PTPRT: variants seen among roughly 807,000 people sequenced by gnomAD.
The protein encoded by PTPRT is receptor-type tyrosine-protein phosphatase T.
Under a neutral mutation model 176.8 loss-of-function variants are expected in PTPRT, and 56 were observed. That is an observed-to-expected ratio of 0.32 (90% CI 0.26 to 0.40). The LOEUF is 0.40. Ranked by LOEUF, PTPRT falls within the 10% of genes least tolerant of loss-of-function variation. The pLI is 1.00. For synonymous variants in PTPRT, 783 were observed against 739.0 expected, an observed-to-expected ratio of 1.06 and a Z score of -0.96; for missense variants, 1,540 against 1,908.2, an observed-to-expected ratio of 0.81 and a Z score of 3.60.
rs185449505 is a variant in PTPRT at position 42,228,122 on chromosome 20, T to C, written c.2342+8107A>G. On this transcript the variant is annotated intron_variant, in intron 15 of 30. Transcript: ENST00000373187. ...TAAGCCTCAAGACATCACTAATACC[T>C]GGTTGGTATTATTAGGTTGGTTTAA... Among the ~76,000 whole-genome samples the C allele has an allele frequency of 2.1e-3, 322 of 152,372 alleles. 1 individual carries two copies. Among genetic ancestry groups the C allele is most frequent in the African/African-American group, 7.3e-3 (305 of 41,590 alleles).
chr20:42,984,390 G>A (rs968902076), intron 1 of PTPRT, among the ~76,000 whole-genome samples: 1 of 152,238 alleles, frequency 6.6e-6, no homozygotes, highest in Non-Finnish European at 1.5e-5. Context: ...ACAGAAGCTT[G>A]TAAAAAGACC....
At chr20:42,350,467 T>C (rs538563771) in intron 11 of PTPRT, among the ~76,000 whole-genome samples, 161 bp downstream of exon 11, 1 of 152,150 alleles carries the variant, frequency 6.6e-6, no homozygotes, top group African/African-American at 2.4e-5. Flanking sequence ...ACTCAGGGGC[T>C]CCCTTTGAAC....
intron 13 of PTPRT, among the ~76,000 whole-genome samples, chr20:42,264,807 G>A (rs1488891718): frequency 6.6e-6 from 1 of 152,224 alleles, no homozygotes; most frequent in Non-Finnish European, 1.5e-5. Flanking sequence ...CCTGATTCAT[G>A]ACTTCTATTT....
intron 2 of PTPRT, among the ~76,000 whole-genome samples, chr20:42,880,694 G>A (rs2079000185): frequency 6.6e-6 from 1 of 152,206 alleles, no homozygotes; most frequent in Non-Finnish European, 1.5e-5. Flanking sequence ...AGGATAGACA[G>A]CTAGAGAGAG....
intron 6 of PTPRT, among the ~76,000 whole-genome samples, chr20:42,739,693 C>G (rs188218391): frequency 3.2e-3 from 493 of 152,288 alleles, no homozygotes; most frequent in African/African-American, 0.011. Context: ...GGGTTTCCAT[C>G]AGTGTGAAAT....
chr20:43,035,514 G>A (rs987502879), intron 1 of PTPRT, among the ~76,000 whole-genome samples: 3 of 152,276 alleles, frequency 2.0e-5, no homozygotes, highest in South Asian at 2.1e-4. Context: ...TCCCTGCCAC[G>A]CTGTCATTTT....
intron 11 of PTPRT, among the ~76,000 whole-genome samples, chr20:42,339,752 A>G (rs930777221): frequency 2.0e-5 from 3 of 152,210 alleles, no homozygotes; most frequent in African/African-American, 7.2e-5. Flanking sequence ...GATGTTCATT[A>G]AAGTTTGGAA....
intron 5 of PTPRT, among the ~76,000 whole-genome samples, chr20:42,757,076 A>G (rs997689728): frequency 1.5e-4 from 22 of 144,454 alleles, no homozygotes; most frequent in Admixed American, 2.7e-4. Context: ...AAAAAAAAAA[A>G]GGGCAGGAGT....
intron 1 of PTPRT, among the ~76,000 whole-genome samples, chr20:42,892,181 A>T (rs927917813): frequency 6.6e-6 from 1 of 152,248 alleles, no homozygotes; most frequent in Non-Finnish European, 1.5e-5. Flanking sequence ...GTACAGCAGT[A>T]CTAATAGCAA....
chr20:42,165,572 T>C (rs1254443716), intron 16 of PTPRT, among the ~76,000 whole-genome samples: 2 of 152,362 alleles, frequency 1.3e-5, no homozygotes, highest in East Asian at 3.9e-4. Context: ...AGCTGTCCAA[T>C]AGAACTTTCC....
chr20:42,552,337 A>G (rs2072784407), intron 7 of PTPRT, among the ~76,000 whole-genome samples: 1 of 152,176 alleles, frequency 6.6e-6, no homozygotes, highest in South Asian at 2.1e-4. Context: ...AGAAGCAAAC[A>G]CAAACATAAA....
At position 42,243,310 on chromosome 20, in the gene PTPRT, T is replaced by G. The variant is rs143632232; in HGVS notation, c.2312+5377A>C. 2.0e-3 allele frequency among the ~76,000 whole-genome samples: 298 copies of G among 152,230 alleles called. 2 individuals are homozygous for G. The Middle Eastern group carries it at 0.048, about 24-fold the overall frequency. On this transcript the variant is annotated intron_variant, in intron 14 of 30. Transcript: ENST00000373187. ...GTCCAGGGGCAGATGATATGGATAA[T>G]GGAGCTCTAACAAGAGAAGACTGAT...
intron 9 of PTPRT, among the ~76,000 whole-genome samples, chr20:42,373,488 T>C (rs1366837188): frequency 6.6e-6 from 1 of 152,204 alleles, no homozygotes; most frequent in African/African-American, 2.4e-5. Context: ...TCCTTTTTGA[T>C]TGTCACATCC....
chr20:42,777,076 C>T (rs1005356559), intron 4 of PTPRT, among the ~76,000 whole-genome samples: 1 of 152,052 alleles, frequency 6.6e-6, no homozygotes, highest in Non-Finnish European at 1.5e-5. Context: ...TGCGGGCCAC[C>T]ACCACCTCTT....
At chr20:42,138,143 C>T (rs528711267) in intron 18 of PTPRT, among the ~76,000 whole-genome samples, 2 of 152,344 alleles carry the variant, frequency 1.3e-5, no homozygotes, top group African/African-American at 2.4e-5. Context: ...AGAATTAGCA[C>T]CTCTAATGAG....
At chr20:43,008,998 C>T (rs115521631) in intron 1 of PTPRT, among the ~76,000 whole-genome samples, 3,990 of 152,210 alleles carry the variant, frequency 0.026, 175 homozygotes, top group African/African-American at 0.091. Flanking sequence ...TGGAAACATT[C>T]GGAAGGCTTC....
At chr20:43,047,401 A>T (rs576710046) in intron 1 of PTPRT, among the ~76,000 whole-genome samples, 1 of 152,280 alleles carries the variant, frequency 6.6e-6, no homozygotes, top group South Asian at 2.1e-4. Context: ...TTCAGCTATT[A>T]GCTTATTGGG....
chr20:42,316,995 T>C (rs898599220), intron 11 of PTPRT, among the ~76,000 whole-genome samples: 2 of 152,204 alleles, frequency 1.3e-5, no homozygotes, highest in African/African-American at 2.4e-5. Context: ...AAAGTAGGCA[T>C]TGTTGCTTAC....
chr20:42,943,052 G>C (rs1244452328), intron 1 of PTPRT, among the ~76,000 whole-genome samples: 8 of 152,094 alleles, frequency 5.3e-5, no homozygotes, highest in African/African-American at 1.7e-4. Context: ...CAGTTTTTTT[G>C]TGGAAACCAT....
Sources: gnomAD v4.1 joint callset for allele counts (sites outside exome capture counted in the v4.1 genomes callset) on GRCh38, gnomAD v4.1.1 for gene constraint, MANE v1.5 for transcripts, NCBI Gene and HGNC (gene_info 2026-07-23, HGNC 2026-07-21) for gene names.